The following VDR variants were observed in gnomAD, a reference collection of about 807,000 sequenced individuals.
VDR encodes the protein vitamin D3 receptor.
Under a neutral mutation model 39.7 loss-of-function variants are expected in VDR, and 19 were observed. The ratio of observed to expected loss-of-function variants is 0.48; its 90% CI spans 0.33 to 0.70. The LOEUF (loss-of-function observed/expected upper bound fraction) is 0.70. VDR is among the 30% of genes least tolerant of loss of function. The pLI is 0.02. For missense variants in VDR, 442 were observed against 570.5 expected (o/e 0.77, Z 2.29); for synonymous variants, 242 against 215.8 (o/e 1.12, Z -1.07).
At chr12:47,894,622 A>C (rs777576513) in intron 1 of VDR, among the ~76,000 whole-genome samples, 3 of 152,230 alleles carry the variant, frequency 2.0e-5, no homozygotes, top group Admixed American at 6.5e-5. Flanking sequence ...TTCTGCAGCT[A>C]GGCTGGTCAG....
chr12:47,859,176 C>G (rs1358026325), intron 4 of VDR, among the ~76,000 whole-genome samples: 2 of 152,172 alleles, frequency 1.3e-5, no homozygotes, highest in Non-Finnish European at 2.9e-5. Context: ...CTTGTCTTTC[C>G]TGCTCACCTG....
At chr12:47,903,034 A>G (rs1201954151) in intron 1 of VDR, among the ~76,000 whole-genome samples, 2 of 152,240 alleles carry the variant, frequency 1.3e-5, no homozygotes, top group African/African-American at 2.4e-5. Flanking sequence ...ACAAACTATC[A>G]GGGCACCCCA....
At chr12:47,886,329 A>G (rs1324460397) in intron 1 of VDR, among the ~76,000 whole-genome samples, 1 of 152,248 alleles carries the variant, frequency 6.6e-6, no homozygotes, top group East Asian at 1.9e-4. Context: ...TAAGCACTGC[A>G]TGACCTACCT....
At chr12:47,874,183 C>T (rs1048854953) in intron 3 of VDR, among the ~76,000 whole-genome samples, 6 of 152,176 alleles carry the variant, frequency 3.9e-5, no homozygotes, top group African/African-American at 1.4e-4. Context: ...CATAGATAAC[C>T]CCACTCATTC....
intron 4 of VDR, among the ~76,000 whole-genome samples, chr12:47,862,971 G>A (rs1945655465): frequency 6.6e-6 from 1 of 152,230 alleles, no homozygotes; most frequent in Non-Finnish European, 1.5e-5. Flanking sequence ...TGAGGAGGGT[G>A]GTGTGGCGAG....
At chr12:47,897,468 G>A (rs11168290) in intron 1 of VDR, among the ~76,000 whole-genome samples, 5,812 of 152,234 alleles carry the variant, frequency 0.038, 388 homozygotes, top group African/African-American at 0.13. Flanking sequence ...CTGCCTGCCC[G>A]GAGCTGACAG....
At chr12:47,875,735 G>A (rs1253598598) in intron 3 of VDR, among the ~76,000 whole-genome samples, 1 of 152,230 alleles carries the variant, frequency 6.6e-6, no homozygotes, top group Non-Finnish European at 1.5e-5. Context: ...AGGAAACACA[G>A]GGTGAGGTTT....
chr12:47,894,179 G>A (rs1005012992), intron 1 of VDR, among the ~76,000 whole-genome samples: 1 of 152,228 alleles, frequency 6.6e-6, no homozygotes, highest in African/African-American at 2.4e-5. Flanking sequence ...CCCCAGGACA[G>A]AGGAGGAGCT....
chr12:47,886,588 C>A (rs1946259904), intron 1 of VDR, among the ~76,000 whole-genome samples: 1 of 152,202 alleles, frequency 6.6e-6, no homozygotes, highest in African/African-American at 2.4e-5. Flanking sequence ...CTCCCCAGCT[C>A]CTTCATACAC....
intron 1 of VDR, among the ~76,000 whole-genome samples, chr12:47,888,639 C>T (rs764267819): frequency 2.2e-4 from 34 of 152,136 alleles, no homozygotes; most frequent in Non-Finnish European, 3.8e-4. Flanking sequence ...GGAGAGTGGC[C>T]GGTGACGCAT....
rs10686139 is a variant in VDR at position 47,887,322 on chromosome 12, C to CAAAA, written c.-83-4552_-83-4549dup. Among the ~76,000 whole-genome samples, 568 of 72,034 alleles carry CAAAA rather than the reference C, an allele frequency of 7.9e-3. 25 individuals carry two copies. The highest frequency in any genetic ancestry group is 0.017 in the African/African-American group (295 of 17,774). The allele number at this position is 72,034 out of a possible 152,430, so 47.3% of individuals were successfully genotyped here. A position where few individuals can be genotyped will look rare whatever the true frequency, so the allele number is the denominator to read the frequency against. On this transcript the variant is annotated intron_variant, in intron 1 of 9. Transcript: ENST00000549336. ...GGGCGACAAGAGTAAAACTCCGTCTCAAAAAAAAAAAAAAAAAAACAAAGG... is the reference window on the plus strand; with the variant it reads ...GGGCGACAAGAGTAAAACTCCGTCTCAAAAAAAAAAAAAAAAAAAAAAACAAAGG...
chr12:47,900,137 T>A, intron 1 of VDR, among the ~76,000 whole-genome samples: 1 of 152,322 alleles, frequency 6.6e-6, no homozygotes, highest in East Asian at 1.9e-4. Flanking sequence ...CTCTGCACAA[T>A]CCTACCTCTG....
intron 1 of VDR, among the ~76,000 whole-genome samples, chr12:47,900,274 CCAAGCCTGTTCTCAGGTCAACTTGTT>C (rs1353807062): frequency 6.6e-6 from 1 of 152,198 alleles, no homozygotes; most frequent in Non-Finnish European, 1.5e-5. Flanking sequence ...TTTGGGCAGT[CCAAGCCTGTTCTCAGGTCAACTTGTT>C]CAAACTAGTT....
intron 7 of VDR, among the ~76,000 whole-genome samples, chr12:47,855,425 C>T (rs1477030838): frequency 1.3e-5 from 2 of 152,116 alleles, no homozygotes; most frequent in Non-Finnish European, 2.9e-5. Flanking sequence ...GAGGTTGAGG[C>T]AGGAGAATCG....
chr12:47,871,292 C>CTCTCTCTTTCTTTCTTTCTT (rs1555153492), intron 3 of VDR, among the ~76,000 whole-genome samples: 12 of 79,876 alleles, frequency 1.5e-4, no homozygotes, highest in African/African-American at 4.1e-4. Flanking sequence ...CTTTCTCTTT[C>CTCTCTCTTTCTTTCTTTCTT]TCTTTCTTTC....
At chr12:47,871,301 T>TCTTTCTTC (rs1167787738) in intron 3 of VDR, among the ~76,000 whole-genome samples, 53 of 115,576 alleles carry the variant, frequency 4.6e-4, no homozygotes, top group African/African-American at 1.6e-3. Flanking sequence ...TCTCTTTCTT[T>TCTTTCTTC]CTTTCTTTCT....
At chr12:47,846,278 G>T in intron 9 of VDR, 57 bp downstream of exon 9, 1 of 1,517,432 alleles carries the variant, frequency 6.6e-7, no homozygotes, top group Non-Finnish European at 9.1e-7. Context: ...GCAGGTCTTT[G>T]TCCTTCATAC....
intron 1 of VDR, among the ~76,000 whole-genome samples, chr12:47,897,780 G>A (rs1247063010): frequency 6.6e-6 from 1 of 152,132 alleles, no homozygotes; most frequent in South Asian, 2.1e-4. Flanking sequence ...CAAGTCAAAA[G>A]GCCAAAGAAC....
chr12:47,903,567 T>C (rs1327696415), intron 1 of VDR, among the ~76,000 whole-genome samples: 1 of 152,196 alleles, frequency 6.6e-6, no homozygotes, highest in Admixed American at 6.5e-5. Context: ...GTCCATAGAA[T>C]TGAGGCTCCA....
Sources: gnomAD v4.1 joint callset for allele counts (sites outside exome capture counted in the v4.1 genomes callset) on GRCh38, gnomAD v4.1.1 for gene constraint, MANE v1.5 for transcripts, NCBI Gene and HGNC (gene_info 2026-07-23, HGNC 2026-07-21) for gene names.